The following SNX8 variants were observed in gnomAD, a reference collection of about 807,000 sequenced individuals.
SNX8 encodes sorting nexin 8.
Under a neutral mutation model 51.6 loss-of-function variants are expected in SNX8, and 25 were observed. That is an observed-to-expected ratio of 0.48 (90% CI 0.35 to 0.68). SNX8 has a LOEUF of 0.68. SNX8 is among the 30% of genes least tolerant of loss of function. The probability of loss-of-function intolerance (pLI) is 0.00; values close to 1 mark genes in which losing one functional copy is unlikely to be tolerated. For missense variants in SNX8, 695 were observed against 624.0 expected (o/e 1.11, Z -1.21); for synonymous variants, 324 against 277.0 (o/e 1.17, Z -1.68).
At chr7:2,348,809 G>A (rs558785227) in intron 1 of SNX8, among the ~76,000 whole-genome samples, 52 of 151,626 alleles carry the variant, frequency 3.4e-4, no homozygotes, top group Non-Finnish European at 6.8e-4. Flanking sequence ...AAAATTAGAC[G>A]GGCATAGTGG....
rs183831129 is a variant in SNX8, at chr7:2,346,610, G to C, written c.-66+7612C>G. On this transcript the variant is annotated intron_variant, in intron 1 of 5. Transcript: ENST00000435336. ...AAATACAAAAAATTAGCCGGGCGTG[G>C]TGGTGGGCACCTGTAGTCCCAGCTA... Among the ~76,000 whole-genome samples, 1,152 of 151,652 alleles carry C rather than the reference G, an allele frequency of 7.6e-3. 10 individuals are homozygous for C. The highest frequency in any genetic ancestry group is 0.027 in the African/African-American group (1,103 of 41,416).
chr7:2,267,629 G>C (rs1795502392), intron 5 of SNX8, among the ~76,000 whole-genome samples: 4 of 148,406 alleles, frequency 2.7e-5, no homozygotes, highest in African/African-American at 7.4e-5. Flanking sequence ...TGGTGCCCAG[G>C]CTGGAGTGCA....
At chr7:2,271,499 G>A (rs1419615652) in intron 4 of SNX8, among the ~76,000 whole-genome samples, 4 of 152,182 alleles carry the variant, frequency 2.6e-5, no homozygotes, top group Non-Finnish European at 5.9e-5. Context: ...TGTTCCAGTG[G>A]TCCTTAGTCA....
At chr7:2,339,201 G>A (rs1407813397) in intron 1 of SNX8, among the ~76,000 whole-genome samples, 5 of 151,276 alleles carry the variant, frequency 3.3e-5, no homozygotes, top group East Asian at 2.0e-4. Flanking sequence ...ATTGTGCCCA[G>A]CCTTATTTAT....
chr7:2,318,292 T>C (rs1487104250), upstream of SNX8, among the ~76,000 whole-genome samples: 1 of 152,118 alleles, frequency 6.6e-6, no homozygotes, highest in Non-Finnish European at 1.5e-5. Context: ...TGCTCACACC[T>C]GTAATCCCAG....
intron 1 of SNX8, among the ~76,000 whole-genome samples, chr7:2,351,080 G>A (rs1779128560): frequency 6.6e-6 from 1 of 152,156 alleles, no homozygotes; most frequent in Admixed American, 6.5e-5. Flanking sequence ...TTGCGCCACT[G>A]TGCTCCCGGC....
chr7:2,344,393 C>G (rs1014895277), intron 1 of SNX8, among the ~76,000 whole-genome samples: 2 of 149,610 alleles, frequency 1.3e-5, no homozygotes, highest in Non-Finnish European at 3.0e-5. Flanking sequence ...GGGCGGATCA[C>G]GAGGTCAGGA....
At chr7:2,257,984 G>A (rs559840265) in intron 7 of SNX8, among the ~76,000 whole-genome samples, 181 bp from the exon 8 acceptor site, 1 of 151,272 alleles carries the variant, frequency 6.6e-6, no homozygotes, top group East Asian at 1.9e-4. Context: ...ATTACCAGGC[G>A]GACACGCCTT....
chr7:2,281,234 G>C (rs996707813), intron 1 of SNX8, among the ~76,000 whole-genome samples: 2 of 152,024 alleles, frequency 1.3e-5, no homozygotes, highest in African/African-American at 4.8e-5. Flanking sequence ...AGACCAGCCT[G>C]GGCAACATAA....
At chr7:2,275,807 G>A (rs887399370) in intron 2 of SNX8, among the ~76,000 whole-genome samples, 2 of 151,856 alleles carry the variant, frequency 1.3e-5, no homozygotes, top group Non-Finnish European at 2.9e-5. Context: ...GACCATCCTG[G>A]CCAACACGGT....
chr7:2,299,485 C>T (rs780136470), intron 1 of SNX8: 5 of 152,144 alleles, frequency 3.3e-5, no homozygotes, highest in South Asian at 2.1e-4. Flanking sequence ...TTCCTCAAAA[C>T]ACCTCTCGGG....
chr7:2,341,697 A>G (rs1468352685), intron 1 of SNX8, among the ~76,000 whole-genome samples: 2 of 151,956 alleles, frequency 1.3e-5, no homozygotes, highest in Non-Finnish European at 2.9e-5. Context: ...AAAACTAAAA[A>G]CAAGCATCGG....
At chr7:2,348,939 A>G (rs1779085365) in intron 1 of SNX8, among the ~76,000 whole-genome samples, 1 of 136,216 alleles carries the variant, frequency 7.3e-6, no homozygotes, top group South Asian at 2.5e-4. Flanking sequence ...CAACACAGTG[A>G]GACTCTGTCT....
chr7:2,326,457 A>C (rs1013036485), intron 1 of SNX8, among the ~76,000 whole-genome samples: 1 of 151,342 alleles, frequency 6.6e-6, no homozygotes, highest in Non-Finnish European at 1.5e-5. Context: ...CGAGGTCAGG[A>C]GATCAAGACC....
chr7:2,323,954 T>G (rs1425586817), intron 1 of SNX8, among the ~76,000 whole-genome samples: 2 of 151,856 alleles, frequency 1.3e-5, no homozygotes, highest in Admixed American at 1.3e-4. Flanking sequence ...ACCCCGTCTC[T>G]ACTAAAAATA....
intron 1 of SNX8, among the ~76,000 whole-genome samples, chr7:2,344,429 G>A (rs1320014732): frequency 1.3e-5 from 2 of 149,464 alleles, no homozygotes; most frequent in African/African-American, 4.9e-5. Flanking sequence ...GGCTGAGATG[G>A]TGAAACCCCG....
chr7:2,311,214 A>G (rs1301219304), intron 1 of SNX8, among the ~76,000 whole-genome samples: 2 of 152,186 alleles, frequency 1.3e-5, no homozygotes, highest in African/African-American at 2.4e-5. Context: ...CCACATGAAT[A>G]CCACCAGTGG....
intron 2 of SNX8, 37 bp from the exon 3 acceptor site, chr7:2,275,266 G>C: frequency 2.1e-6 from 3 of 1,419,136 alleles, no homozygotes; most frequent in Non-Finnish European, 3.0e-6. Flanking sequence ...TCCGACGTTG[G>C]AAACTATGCT....
intron 7 of SNX8, among the ~76,000 whole-genome samples, chr7:2,261,575 C>T (rs1754041810): frequency 6.6e-6 from 1 of 152,158 alleles, no homozygotes; most frequent in Non-Finnish European, 1.5e-5. Flanking sequence ...AGGGCAGGGC[C>T]CTGAGGTCCT....
Sources: gnomAD v4.1 joint callset for allele counts (sites outside exome capture counted in the v4.1 genomes callset) on GRCh38, gnomAD v4.1.1 for gene constraint, MANE v1.5 for transcripts, NCBI Gene and HGNC (gene_info 2026-07-23, HGNC 2026-07-21) for gene names.